ADGRG6: variants seen among roughly 807,000 people sequenced by gnomAD.
ADGRG6 encodes adhesion G protein-coupled receptor G6.
In ADGRG6, 84 loss-of-function variants were observed where a neutral mutation model predicts 142.4. The ratio of observed to expected loss-of-function variants is 0.59; its 90% CI spans 0.49 to 0.71. ADGRG6 has a LOEUF of 0.71. Among genes scored for constraint, ADGRG6 ranks in the 30% least tolerant of loss-of-function variants. The probability of loss-of-function intolerance (pLI) is 0.00; values close to 1 mark genes in which losing one functional copy is unlikely to be tolerated. For missense variants in ADGRG6, 1,367 were observed against 1,466.6 expected (o/e 0.93, Z 1.11); for synonymous variants, 521 against 520.5 (o/e 1.00, Z -0.01).
In ADGRG6 at chr6:142,415,989, A is replaced by G. The variant is rs551719878; in HGVS notation, c.2863A>G (p.Met955Val). 3 of 1,611,882 alleles carry G rather than the reference A, an allele frequency of 1.9e-6. No individual in the cohort carries two copies. The highest frequency in any genetic ancestry group is 2.5e-6 in the Non-Finnish European group (3 of 1,178,150). ...FTWMGLEAIH[M>V]YIALVKVFNT... ...CTGGATGGGGCTAGAAGCAATTCAC[A>G]TGTACATTGCTCTAGTTAAAGTATT... Residue 955 changes from methionine to valine, a missense_variant, in exon 20 of 25, where the codon ATG becomes GTG. Transcript: ENST00000367609.
chr6:142,370,475 G>C lies in ADGRG6; in HGVS notation c.751G>C (p.Glu251Gln). The stretch of plus-strand genomic sequence containing the variant: ...AGAAGACATTTTTGCAGAAAGCTTT[G>C]AACAGCTCTGCCTTGTTTGGAATAA... ...EKEDIFAESF[E>Q]QLCLVWNNSL... The change falls in exon 4 of 25, where the codon GAA (glutamate) becomes CAA (glutamine). Residue 251 changes from glutamate (E) to glutamine (Q), a missense_variant. Physicochemically the swap from Glu to Gln is conservative, Grantham distance 29. Coordinates refer to ENST00000367609, the MANE Select transcript of ADGRG6 (RefSeq NM_198569.3). 6.2e-7 allele frequency: 1 copy of C among 1,613,248 alleles called. No individual in the cohort carries two copies. The highest frequency in any genetic ancestry group is 8.5e-7 in the Non-Finnish European group (1 of 1,179,234).
intron 2 of ADGRG6, among the ~76,000 whole-genome samples, chr6:142,341,589 AT>A (rs1206745684): frequency 1.6e-4 from 19 of 122,256 alleles, no homozygotes; most frequent in African/African-American, 5.5e-4. Context: ...TATATATAAT[AT>A]TATATATTAT....
At chr6:142,377,427 A>G (rs1781555700) in intron 4 of ADGRG6, among the ~76,000 whole-genome samples, 1 of 152,166 alleles carries the variant, frequency 6.6e-6, no homozygotes, top group African/African-American at 2.4e-5. Context: ...CCAGTCCTCT[A>G]TGGGCAGGCT....
Position 142,316,846 on chromosome 6 carries a change from G to A in ADGRG6, c.103+7202G>A, listed in dbSNP as rs546120251. Among the ~76,000 whole-genome samples the A allele has an allele frequency of 3.3e-4, 50 of 152,092 alleles. No individual in the cohort carries two copies. The Middle Eastern group carries it at 0.017, about 52-fold the overall frequency. Reference sequence around the variant, plus strand: ...AAATGAGCTCCAAGTATACACTGAGGTTGTGGAAATGTAGTCTGTCACCTT... The same window carrying A: ...AAATGAGCTCCAAGTATACACTGAGATTGTGGAAATGTAGTCTGTCACCTT... On this transcript the variant is annotated intron_variant, in intron 2 of 24. Transcript: ENST00000367609.
chr6:142,380,172 C>T lies in ADGRG6; in HGVS notation c.1070-1779C>T, dbSNP rs147059441. 3.2e-4 allele frequency among the ~76,000 whole-genome samples: 49 copies of T among 152,192 alleles called. No homozygotes were observed. The South Asian group carries it at 5.2e-3, about 16-fold the overall frequency. ...GATTTTTTCATGCAGATGAAGCCTC[C>T]AGGTAACAGGCTTCACAGAGGATAG... is the stretch of plus-strand genomic sequence containing the variant. On this transcript the variant is annotated intron_variant, in intron 4 of 24. Coordinates refer to ENST00000367609, the MANE Select transcript of ADGRG6 (RefSeq NM_198569.3).
chr6:142,318,148 A>ATTTATATAATATATAT (rs377323719), intron 2 of ADGRG6, among the ~76,000 whole-genome samples: 1 of 40,480 alleles, frequency 2.5e-5, no homozygotes, highest in Non-Finnish European at 3.9e-5. Flanking sequence ...TATAATATAT[A>ATTTATATAATATATAT]TTATATATTA....
chr6:142,369,565 T>C (rs937671956), intron 3 of ADGRG6, among the ~76,000 whole-genome samples: 4 of 152,136 alleles, frequency 2.6e-5, no homozygotes, highest in Non-Finnish European at 4.4e-5. Context: ...CCTGGATACC[T>C]TAAATCTCCA....
chr6:142,397,993 T>C (rs1775291455), intron 10 of ADGRG6, among the ~76,000 whole-genome samples: 1 of 152,226 alleles, frequency 6.6e-6, no homozygotes, highest in South Asian at 2.1e-4. Flanking sequence ...GAACATATTT[T>C]GAAAATACTA....
chr6:142,433,693 C>A (rs1483894269), intron 22 of ADGRG6, among the ~76,000 whole-genome samples: 1 of 152,176 alleles, frequency 6.6e-6, no homozygotes, highest in East Asian at 1.9e-4. Flanking sequence ...GGGACCTTCA[C>A]GAGGTGCTTG....
chr6:142,314,938 C>T (rs967754375), intron 2 of ADGRG6, among the ~76,000 whole-genome samples: 2 of 151,234 alleles, frequency 1.3e-5, no homozygotes, highest in South Asian at 2.1e-4. Flanking sequence ...CCAGAAACCT[C>T]GAAGACCTCC....
chr6:142,325,407 A>G (rs1423779933), intron 2 of ADGRG6, among the ~76,000 whole-genome samples: 2 of 152,162 alleles, frequency 1.3e-5, no homozygotes, highest in Non-Finnish European at 1.5e-5. Flanking sequence ...CTGAGGCTCC[A>G]CGGTATTAAC....
intron 1 of ADGRG6, among the ~76,000 whole-genome samples, chr6:142,308,587 G>A (rs1004272569): frequency 3.4e-4 from 51 of 151,916 alleles, no homozygotes; most frequent in Non-Finnish European, 5.6e-4. Flanking sequence ...ATGAGTCTCA[G>A]TTACTACTTA....
At chr6:142,338,417 G>A (rs1779454066) in intron 2 of ADGRG6, among the ~76,000 whole-genome samples, 1 of 151,208 alleles carries the variant, frequency 6.6e-6, no homozygotes, top group African/African-American at 2.4e-5. Flanking sequence ...ATTTTCTTTG[G>A]CTGTAGTTCA....
chr6:142,421,508 C>T (rs1307619528), intron 22 of ADGRG6, among the ~76,000 whole-genome samples: 1 of 152,050 alleles, frequency 6.6e-6, no homozygotes, highest in Non-Finnish European at 1.5e-5. Context: ...CTATAATATA[C>T]AACATAAAAG....
intron 2 of ADGRG6, among the ~76,000 whole-genome samples, chr6:142,336,324 G>A (rs1688624241): frequency 6.6e-6 from 1 of 152,220 alleles, no homozygotes; most frequent in African/African-American, 2.4e-5. Flanking sequence ...TGTTATGTGT[G>A]CAGTAACCTT....
chr6:142,354,840 TA>T (rs1780366321), intron 2 of ADGRG6, among the ~76,000 whole-genome samples: 1 of 152,244 alleles, frequency 6.6e-6, no homozygotes, highest in Non-Finnish European at 1.5e-5. Context: ...ACAGTTCATC[TA>T]CTTAGAAGCT....
chr6:142,436,735 G>A (rs1309163841), intron 22 of ADGRG6, among the ~76,000 whole-genome samples: 1 of 152,188 alleles, frequency 6.6e-6, no homozygotes, highest in African/African-American at 2.4e-5. Context: ...TTAAAATGCG[G>A]AAGCAAATGC....
At chr6:142,323,183 T>A (rs1346589743) in intron 2 of ADGRG6, among the ~76,000 whole-genome samples, 1 of 151,804 alleles carries the variant, frequency 6.6e-6, no homozygotes, top group Non-Finnish European at 1.5e-5. Flanking sequence ...AGCAAACTAA[T>A]AGGACCCATA....
chr6:142,319,230 G>T (rs1396729006), intron 2 of ADGRG6, among the ~76,000 whole-genome samples: 3 of 152,044 alleles, frequency 2.0e-5, no homozygotes, highest in African/African-American at 7.2e-5. Flanking sequence ...TTGCTCAAAC[G>T]CATATTTAGT....
Sources: allele counts gnomAD v4.1 joint callset (sites outside exome capture counted in the v4.1 genomes callset), GRCh38; gene constraint gnomAD v4.1.1; transcripts MANE v1.5; gene names NCBI Gene and HGNC (gene_info 2026-07-23, HGNC 2026-07-21).